The following RYR2 variants were observed in gnomAD, a reference collection of about 807,000 sequenced individuals.
The protein encoded by RYR2 is ryanodine receptor 2, also known as cardiac muscle ryanodine receptor-calcium release channel.
In RYR2, 227 loss-of-function variants were observed where a neutral mutation model predicts 601.1. The observed-to-expected ratio is 0.38, with a 90% confidence interval of 0.34 to 0.42. RYR2 has a LOEUF of 0.42. Among genes scored for constraint, RYR2 ranks in the 10% least tolerant of loss-of-function variants. The pLI is 1.00. For missense variants in RYR2, 4,646 were observed against 6,156.5 expected (o/e 0.75, Z 8.21); for synonymous variants, 2,223 against 2,175.1 (o/e 1.02, Z -0.61).
intron 94 of RYR2, 80 bp downstream of exon 94, chr1:237,792,403 G>GTGTGTGTGTGTGTGCA: frequency 1.6e-6 from 1 of 625,566 alleles, no homozygotes; most frequent in Admixed American, 3.2e-5. Flanking sequence ...GTGTGCGTGT[G>GTGTGTGTGTGTGTGCA]TGTGTGTGTG....
chr1:237,739,561 C>A (rs1691435032), intron 79 of RYR2, among the ~76,000 whole-genome samples: 1 of 152,196 alleles, frequency 6.6e-6, no homozygotes, highest in Non-Finnish European at 1.5e-5. Flanking sequence ...TAAGGGAACT[C>A]TTTCCTCCTA....
At position 237,268,950 on chromosome 1, in the gene RYR2, A is replaced by AACAAAC. The variant is rs1553373194; in HGVS notation, c.49-1546_49-1545insCAAACA. On this transcript the variant is annotated intron_variant, in intron 1 of 104. Transcript: ENST00000366574. ...ACTCTTGTCTCAAAAAAAAAAAAAA[A>AACAAAC]AAAAAAAAAAAGGAAATAAAGGCAA... 5.7e-4 allele frequency among the ~76,000 whole-genome samples: 61 copies of AACAAAC among 107,148 alleles called. 1 individual carries two copies. The highest frequency in any genetic ancestry group is 8.8e-4 in the Non-Finnish European group (42 of 47,522). The allele number at this position is 107,148 out of a possible 152,430, so 70.3% of individuals were successfully genotyped here.
At chr1:237,146,971 A>G (rs1169551038) in intron 1 of RYR2, among the ~76,000 whole-genome samples, 1 of 152,150 alleles carries the variant, frequency 6.6e-6, no homozygotes, top group African/African-American at 2.4e-5. Context: ...TTAATTTTAT[A>G]CCAGCTTTAA....
chr1:237,571,757 T>C (rs2148297165), intron 29 of RYR2, among the ~76,000 whole-genome samples: 1 of 152,368 alleles, frequency 6.6e-6, no homozygotes, highest in South Asian at 2.1e-4. Context: ...TTTGCAAAGA[T>C]AATAGGAATT....
In RYR2 at chr1:237,055,070, G is replaced by A. The variant is rs912063054; in HGVS notation, c.48+12501G>A. On this transcript the variant is annotated intron_variant, in intron 1 of 104. Coordinates refer to ENST00000366574, the MANE Select transcript of RYR2 (RefSeq NM_001035.3). ...TCCCACCTCTGTCGGATCCTGTCAC[G>A]CTCCCAGCCCGCACCTTGGTAAATG... is the stretch of plus-strand genomic sequence containing the variant. Among the ~76,000 whole-genome samples the A allele has an allele frequency of 4.6e-5, 7 of 152,118 alleles. No homozygotes were observed. In the South Asian group the frequency reaches 6.2e-4, roughly 14 times the overall value.
intron 1 of RYR2, among the ~76,000 whole-genome samples, chr1:237,127,521 C>T (rs1472402492): frequency 6.6e-6 from 1 of 151,312 alleles, no homozygotes; most frequent in Non-Finnish European, 1.5e-5. Context: ...GGCTGATGCC[C>T]CCACCTCCCT....
intron 6 of RYR2, 48 bp from the exon 7 acceptor site, chr1:237,374,669 C>T: frequency 6.7e-7 from 1 of 1,488,542 alleles, no homozygotes; most frequent in Admixed American, 1.9e-5. Flanking sequence ...ACACAAACAA[C>T]AGACGAACAA....
At chr1:237,820,448 G>A (rs1012171973) in intron 101 of RYR2, among the ~76,000 whole-genome samples, 27 of 152,102 alleles carry the variant, frequency 1.8e-4, no homozygotes, top group African/African-American at 5.1e-4. Context: ...CCTAGCCAAG[G>A]GAAACTGTGA....
intron 1 of RYR2, among the ~76,000 whole-genome samples, chr1:237,142,848 C>T (rs1183152334): frequency 1.3e-5 from 2 of 152,112 alleles, no homozygotes; most frequent in African/African-American, 2.4e-5. Flanking sequence ...TTACCTCTCA[C>T]TTTTCTCTAA....
intron 62 of RYR2, among the ~76,000 whole-genome samples, chr1:237,682,134 C>T (rs1685939327): frequency 6.6e-6 from 1 of 152,162 alleles, no homozygotes; most frequent in Non-Finnish European, 1.5e-5. Flanking sequence ...CCATACTATG[C>T]ATATATCGAA....
chr1:237,114,026 AC>A (rs568742756), intron 1 of RYR2, among the ~76,000 whole-genome samples: 215 of 152,310 alleles, frequency 1.4e-3, no homozygotes, highest in African/African-American at 4.9e-3. Flanking sequence ...GTACATGGTC[AC>A]CTGGGCATTT....
At chr1:237,094,967 T>G (rs1375689930) in intron 1 of RYR2, among the ~76,000 whole-genome samples, 1 of 152,234 alleles carries the variant, frequency 6.6e-6, no homozygotes, top group East Asian at 1.9e-4. Flanking sequence ...TGCCCTGTGC[T>G]AAACATAGTG....
intron 79 of RYR2, among the ~76,000 whole-genome samples, chr1:237,737,245 TG>T (rs1691230884): frequency 6.6e-6 from 1 of 152,236 alleles, no homozygotes; most frequent in Admixed American, 6.5e-5. Context: ...GCTACCTTGT[TG>T]ATGCTTTATC....
At chr1:237,313,216 T>G (rs1401833959) in intron 2 of RYR2, among the ~76,000 whole-genome samples, 2 of 150,236 alleles carry the variant, frequency 1.3e-5, no homozygotes, top group Admixed American at 1.3e-4. Context: ...GTTCAAATAT[T>G]TGCTTATGGA....
intron 12 of RYR2, among the ~76,000 whole-genome samples, chr1:237,426,990 A>G (rs901146937): frequency 1.3e-5 from 2 of 152,296 alleles, no homozygotes; most frequent in East Asian, 3.9e-4. Context: ...CTTCTATGAA[A>G]CAAACATCAA....
At chr1:237,071,230 T>TG (rs1369621488) in intron 1 of RYR2, among the ~76,000 whole-genome samples, 5 of 145,922 alleles carry the variant, frequency 3.4e-5, no homozygotes, top group African/African-American at 1.3e-4. Flanking sequence ...TTGATTTTTG[T>TG]TTTTTTTTTT....
intron 1 of RYR2, among the ~76,000 whole-genome samples, chr1:237,242,262 C>T (rs926025559): frequency 1.3e-5 from 2 of 150,630 alleles, no homozygotes; most frequent in Non-Finnish European, 2.9e-5. Context: ...TGTGAAAAAT[C>T]CTCAGAGATT....
intron 2 of RYR2, among the ~76,000 whole-genome samples, chr1:237,316,962 G>A (rs1695175365): frequency 6.6e-6 from 1 of 152,044 alleles, no homozygotes; most frequent in African/African-American, 2.4e-5. Context: ...GGGTTCGTGT[G>A]GGTCACAGAA....
At chr1:237,767,672 T>C (rs1693946114) in intron 84 of RYR2, among the ~76,000 whole-genome samples, 2 of 152,200 alleles carry the variant, frequency 1.3e-5, no homozygotes, top group African/African-American at 4.8e-5. Context: ...GCTTATTTTT[T>C]AAATTTACTT....
Sources: allele counts gnomAD v4.1 joint callset (sites outside exome capture counted in the v4.1 genomes callset), GRCh38; gene constraint gnomAD v4.1.1; transcripts MANE v1.5; gene names NCBI Gene and HGNC (gene_info 2026-07-23, HGNC 2026-07-21).